Variants in CD46 observed in about 807,000 individuals in gnomAD.
The protein encoded by CD46 is membrane cofactor protein.
Under a neutral mutation model 53.3 loss-of-function variants are expected in CD46, and 30 were observed. The ratio of observed to expected loss-of-function variants is 0.56; its 90% CI spans 0.42 to 0.76. CD46 has a LOEUF of 0.76. Among genes scored for constraint, CD46 ranks in the 30% least tolerant of loss-of-function variants. CD46 has a pLI of 0.00. For synonymous variants in CD46, 142 were observed against 152.0 expected (o/e 0.93, Z 0.48); for missense variants, 409 against 463.0 (o/e 0.88, Z 1.07).
At chr1:207,775,841 GGCAGT>G (rs1421055890) in intron 8 of CD46, among the ~76,000 whole-genome samples, 5 of 152,218 alleles carry the variant, frequency 3.3e-5, no homozygotes, top group African/African-American at 1.2e-4. Flanking sequence ...CACTTGAGGA[GGCAGT>G]CTGTCCAGTG....
chr1:207,763,009 G>A (rs41317089), intron 5 of CD46: 3,883 of 152,574 alleles, frequency 0.025, 124 homozygotes, highest in African/African-American at 0.069. Context: ...TAGAGGAGGC[G>A]TTCAGAAGTA....
intron 8 of CD46, among the ~76,000 whole-genome samples, chr1:207,782,323 T>C (rs1477201512): frequency 6.6e-6 from 1 of 152,178 alleles, no homozygotes; most frequent in Non-Finnish European, 1.5e-5. Context: ...TGCATGTGTG[T>C]GTATATGTGG....
intron 8 of CD46, among the ~76,000 whole-genome samples, chr1:207,776,950 T>C (rs1236553412): frequency 6.6e-6 from 1 of 152,256 alleles, no homozygotes; most frequent in African/African-American, 2.4e-5. Flanking sequence ...TACATTTCTT[T>C]AATTATCAGT....
intron 8 of CD46, among the ~76,000 whole-genome samples, chr1:207,783,034 A>T (rs949652547): frequency 2.3e-4 from 35 of 152,122 alleles, no homozygotes; most frequent in Non-Finnish European, 4.0e-4. Flanking sequence ...ATAAATTTGC[A>T]TGTTGAACCA....
At chr1:207,777,059 T>G (rs1475153082) in intron 8 of CD46, among the ~76,000 whole-genome samples, 1 of 152,176 alleles carries the variant, frequency 6.6e-6, no homozygotes, top group Non-Finnish European at 1.5e-5. Context: ...TTTTGAGAGC[T>G]CATTATGAAT....
intron 8 of CD46, among the ~76,000 whole-genome samples, chr1:207,774,105 T>C (rs1329352590): frequency 1.3e-5 from 2 of 152,232 alleles, no homozygotes; most frequent in Non-Finnish European, 2.9e-5. Flanking sequence ...AGTTAGCTCT[T>C]CTTGGTGAAT....
intron 6 of CD46, chr1:207,767,457 T>G: frequency 1.3e-6 from 1 of 783,648 alleles, no homozygotes; most frequent in South Asian, 1.5e-5. Flanking sequence ...TTTAATATTT[T>G]TATGTATAAA....
Position 207,767,824 on chromosome 1 carries a change from G to T in CD46, c.901+1G>T. The stretch of plus-strand genomic sequence containing the variant: ...AAATCTCCAGCGTCCAGTGCCTCAG[G>T]TTTAGTAATTTCCTGCTTATAGTTT... On this transcript the variant is annotated splice_donor_variant, in intron 7 of 12. Transcript: ENST00000367042. LOFTEE classifies it high-confidence loss of function. 1 of 1,605,726 alleles carries T rather than the reference G, an allele frequency of 6.2e-7. No homozygotes were observed.
At chr1:207,765,327 A>G (rs1351944936) in intron 5 of CD46, among the ~76,000 whole-genome samples, 1 of 152,248 alleles carries the variant, frequency 6.6e-6, no homozygotes, top group African/African-American at 2.4e-5. Flanking sequence ...CCCTGATAAC[A>G]GACATCTACA....
intron 2 of CD46, 151 bp from the exon 3 acceptor site, chr1:207,757,389 T>G: frequency 1.3e-6 from 1 of 768,362 alleles, no homozygotes; most frequent in Non-Finnish European, 2.2e-6. Context: ...ATAGATTGCC[T>G]GGGTGAATAT....
At chr1:207,758,739 TGACA>T (rs1461272685) in intron 3 of CD46, among the ~76,000 whole-genome samples, 1 of 152,196 alleles carries the variant, frequency 6.6e-6, no homozygotes, top group Non-Finnish European at 1.5e-5. Flanking sequence ...GTAAGGCAAC[TGACA>T]GTTTTTAAAA....
chr1:207,775,753 A>C (rs964342159), intron 8 of CD46, among the ~76,000 whole-genome samples: 4 of 152,218 alleles, frequency 2.6e-5, no homozygotes, highest in Admixed American at 2.6e-4. Context: ...CAGGTGGGGC[A>C]CCCACCACCT....
chr1:207,789,151 T>A (rs1395265548), intron 11 of CD46, among the ~76,000 whole-genome samples: 1 of 152,258 alleles, frequency 6.6e-6, no homozygotes, highest in Non-Finnish European at 1.5e-5. Flanking sequence ...TGGTTTTTTT[T>A]AAATGCATGA....
At chr1:207,774,258 T>A (rs566112275) in intron 8 of CD46, among the ~76,000 whole-genome samples, 1 of 152,310 alleles carries the variant, frequency 6.6e-6, no homozygotes, top group African/African-American at 2.4e-5. Flanking sequence ...TGTCCCTTTA[T>A]TTTGAGCCTA....
At chr1:207,777,829 G>A (rs1658281392) in intron 8 of CD46, among the ~76,000 whole-genome samples, 1 of 152,136 alleles carries the variant, frequency 6.6e-6, no homozygotes, top group Admixed American at 6.5e-5. Context: ...GGGTTGAATG[G>A]TAGTTCTGCT....
At chr1:207,753,782 C>T (rs1236983328) in intron 1 of CD46, among the ~76,000 whole-genome samples, 2 of 151,942 alleles carry the variant, frequency 1.3e-5, no homozygotes, top group Non-Finnish European at 2.9e-5. Flanking sequence ...TTGTTTCTGC[C>T]TTCATGTGCG....
intron 3 of CD46, among the ~76,000 whole-genome samples, chr1:207,759,015 T>C (rs1325091518): frequency 1.3e-5 from 2 of 152,184 alleles, no homozygotes; most frequent in Admixed American, 6.5e-5. Flanking sequence ...TCATTGAGTA[T>C]AGGGGTATAC....
At chr1:207,787,657 A>C (rs1222594233) in intron 11 of CD46, among the ~76,000 whole-genome samples, 2 of 152,214 alleles carry the variant, frequency 1.3e-5, no homozygotes, top group Non-Finnish European at 2.9e-5. Context: ...CGAAACTCCT[A>C]ATTGCCTTTG....
At chr1:207,779,558 TG>T (rs921941486) in intron 8 of CD46, among the ~76,000 whole-genome samples, 1 of 152,178 alleles carries the variant, frequency 6.6e-6, no homozygotes, top group African/African-American at 2.4e-5. Flanking sequence ...TTGGATGTAT[TG>T]ATCTTTTCCC....
Sources: allele counts gnomAD v4.1 joint callset (sites outside exome capture counted in the v4.1 genomes callset), GRCh38; gene constraint gnomAD v4.1.1; transcripts MANE v1.5; gene names NCBI Gene and HGNC (gene_info 2026-07-23, HGNC 2026-07-21).